Variants in MRPS27 observed in about 807,000 individuals in gnomAD.
MRPS27 encodes small ribosomal subunit protein mS27.
In MRPS27, 43 loss-of-function variants were observed where a neutral mutation model predicts 48.9. The ratio of observed to expected loss-of-function variants is 0.88; its 90% CI spans 0.69 to 1.13. The LOEUF is 1.13. Among genes scored for constraint, MRPS27 ranks in the 50% most tolerant of loss-of-function variants. The pLI, the probability that MRPS27 is intolerant of heterozygous loss-of-function variation, is 0.00. For synonymous variants in MRPS27, 188 were observed against 171.9 expected, an observed-to-expected ratio of 1.09 and a Z score of -0.73; for missense variants, 467 against 476.3, an observed-to-expected ratio of 0.98 and a Z score of 0.18.
At chr5:72,224,614 G>C (rs1388917907) in intron 9 of MRPS27, among the ~76,000 whole-genome samples, 1 of 152,168 alleles carries the variant, frequency 6.6e-6, no homozygotes, top group Non-Finnish European at 1.5e-5. Flanking sequence ...CTGGATACAG[G>C]CAAGGGTCCC....
chr5:72,305,467 T>G (rs948993272), intron 2 of MRPS27, among the ~76,000 whole-genome samples: 1 of 152,180 alleles, frequency 6.6e-6, no homozygotes, highest in Non-Finnish European at 1.5e-5. Context: ...CAGACCTGAA[T>G]GCAAATGTGT....
chr5:72,302,475 G>A (rs1750151404), intron 2 of MRPS27, among the ~76,000 whole-genome samples: 1 of 152,220 alleles, frequency 6.6e-6, no homozygotes, highest in African/African-American at 2.4e-5. Flanking sequence ...AGTCTTAGAT[G>A]TTGCTCCTAA....
chr5:72,245,004 A>T lies in MRPS27; in HGVS notation c.282-6876T>A, dbSNP rs566901143. On this transcript the variant is annotated intron_variant, in intron 4 of 10. Coordinates refer to ENST00000261413, the MANE Select transcript of MRPS27 (RefSeq NM_015084.3). ...CAAAGAGCAATATGTGTAGATAACC[A>T]GGGAGGATTACTTGTGGGGAGAATG... Among the ~76,000 whole-genome samples, 153 of 152,098 alleles carry T rather than the reference A, an allele frequency of 1.0e-3. 1 individual carries two copies. Among genetic ancestry groups the T allele is most frequent in the Non-Finnish European group, 1.9e-3 (127 of 67,968 alleles).
intron 6 of MRPS27, 93 bp downstream of exon 6, chr5:72,234,026 T>C (rs1748131314): frequency 6.2e-6 from 8 of 1,291,528 alleles, no homozygotes; most frequent in Non-Finnish European, 8.0e-6. Flanking sequence ...GAGATGTTAT[T>C]AAGAAATAAA....
intron 7 of MRPS27, among the ~76,000 whole-genome samples, chr5:72,231,336 T>C (rs1748059597): frequency 1.3e-5 from 2 of 152,164 alleles, no homozygotes; most frequent in Admixed American, 6.5e-5. Context: ...CATCCTTCAA[T>C]AGTAACCTAA....
At chr5:72,270,779 A>G (rs1275239580) in intron 4 of MRPS27, among the ~76,000 whole-genome samples, 1 of 152,206 alleles carries the variant, frequency 6.6e-6, no homozygotes, top group Non-Finnish European at 1.5e-5. Flanking sequence ...AATTAATACT[A>G]CATCAGGACA....
intron 4 of MRPS27, among the ~76,000 whole-genome samples, chr5:72,245,769 TTA>T (rs2111974313): frequency 6.6e-6 from 1 of 152,266 alleles, no homozygotes; most frequent in Admixed American, 6.5e-5. Context: ...TTGAGCAGAT[TTA>T]TATGTGTTTG....
chr5:72,283,363 T>C (rs780858057), intron 4 of MRPS27, among the ~76,000 whole-genome samples: 4 of 152,234 alleles, frequency 2.6e-5, no homozygotes, highest in Non-Finnish European at 5.9e-5. Flanking sequence ...AGTCTGTATC[T>C]TTTGGTATAT....
At position 72,220,804 on chromosome 5, in the gene MRPS27, G is replaced by A. The variant is rs1159633688; in HGVS notation, c.*105C>T. On this transcript the variant is annotated 3_prime_UTR_variant, in exon 11 of 11. Coordinates refer to ENST00000261413, the MANE Select transcript of MRPS27 (RefSeq NM_015084.3). Reference sequence around the variant, plus strand: ...GGGCACATAGCCTGCTTTAAGAAAAGAAGATGGGTAGAGGAAGCTGAGGCT... The same window carrying A: ...GGGCACATAGCCTGCTTTAAGAAAAAAAGATGGGTAGAGGAAGCTGAGGCT... The A allele has an allele frequency of 6.7e-7, 1 of 1,494,016 alleles. No homozygotes were observed. 92.5% of individuals were successfully genotyped at this position (1,494,016 alleles called of 1,614,324 possible).
chr5:72,245,432 C>G (rs1283332582), intron 4 of MRPS27, among the ~76,000 whole-genome samples: 1 of 152,120 alleles, frequency 6.6e-6, no homozygotes, highest in Non-Finnish European at 1.5e-5. Context: ...TACATGCAAA[C>G]ATTTCCTGAT....
intron 9 of MRPS27, among the ~76,000 whole-genome samples, chr5:72,225,158 T>C (rs1454959965): frequency 6.6e-6 from 1 of 152,214 alleles, no homozygotes; most frequent in Non-Finnish European, 1.5e-5. Flanking sequence ...AAAACAAGTA[T>C]AGTGAGAAAT....
intron 1 of MRPS27, among the ~76,000 whole-genome samples, chr5:72,319,537 C>CTTTTT (rs35020848): frequency 7.1e-5 from 6 of 84,200 alleles, no homozygotes; most frequent in Admixed American, 1.3e-4. Flanking sequence ...TAGGTTTTTC[C>CTTTTT]TTTTTTTTTT....
chr5:72,228,035 AT>A (rs1413539659), intron 8 of MRPS27: 2 of 555,244 alleles, frequency 3.6e-6, no homozygotes, highest in Non-Finnish European at 6.3e-6. Flanking sequence ...ATTATTACCT[AT>A]ATCCACCAGA....
At chr5:72,293,675 C>T (rs1200652840) in intron 4 of MRPS27, among the ~76,000 whole-genome samples, 2 of 152,098 alleles carry the variant, frequency 1.3e-5, no homozygotes, top group African/African-American at 4.8e-5. Flanking sequence ...AATAGGTGCT[C>T]GGTAAATACT....
At chr5:72,319,285 A>G (rs1750669976) in intron 1 of MRPS27, among the ~76,000 whole-genome samples, 2 of 152,206 alleles carry the variant, frequency 1.3e-5, no homozygotes, top group Admixed American at 1.3e-4. Flanking sequence ...TTCAGATATC[A>G]AAGTATTTTA....
chr5:72,253,879 G>C (rs942803960), intron 4 of MRPS27, among the ~76,000 whole-genome samples: 2 of 152,022 alleles, frequency 1.3e-5, no homozygotes, highest in African/African-American at 4.8e-5. Context: ...ATCAAGCTTG[G>C]GAAATTCTCT....
At position 72,221,050 on chromosome 5, in the gene MRPS27, T is replaced by A. The variant is rs777014274; in HGVS notation, c.1104A>T (p.Glu368Asp). The change falls in exon 11 of 11, where the codon GAA becomes GAT. Residue 368 changes from glutamate (E) to aspartate (D), a missense_variant. Transcript: ENST00000261413. Reference protein sequence around the residue: ...QLVKEKLSTCEAEDIATYEQN... With the variant: ...QLVKEKLSTCDAEDIATYEQN... Reference sequence around the variant, plus strand: ...GCTCATAGGTGGCGATGTCCTCTGCTTCACAGGTGGAGAGTTTTTCCTTGA... The same window carrying A: ...GCTCATAGGTGGCGATGTCCTCTGCATCACAGGTGGAGAGTTTTTCCTTGA... 6.2e-7 allele frequency: 1 copy of A among 1,614,202 alleles called. No individual in the cohort carries two copies. Among genetic ancestry groups the A allele is most frequent in the East Asian group, 2.2e-5 (1 of 44,876 alleles).
At chr5:72,242,483 T>C (rs891854964) in intron 4 of MRPS27, among the ~76,000 whole-genome samples, 1 of 149,268 alleles carries the variant, frequency 6.7e-6, no homozygotes, top group Admixed American at 6.7e-5. Flanking sequence ...AGGTACTCTA[T>C]TGTGTGTAAA....
intron 4 of MRPS27, among the ~76,000 whole-genome samples, chr5:72,276,432 T>G (rs1269864522): frequency 6.6e-6 from 1 of 152,140 alleles, no homozygotes; most frequent in Non-Finnish European, 1.5e-5. Flanking sequence ...GATTAAAGAT[T>G]CAAATGTAAA....
Sources: allele counts gnomAD v4.1 joint callset (sites outside exome capture counted in the v4.1 genomes callset), GRCh38; gene constraint gnomAD v4.1.1; transcripts MANE v1.5; gene names NCBI Gene and HGNC (gene_info 2026-07-23, HGNC 2026-07-21).